The following SIRT5 variants were observed in gnomAD, a reference collection of about 807,000 sequenced individuals.
The protein encoded by SIRT5 is sirtuin 5, also known as NAD-dependent protein deacylase sirtuin-5, mitochondrial.
In SIRT5, 26 loss-of-function variants were observed where a neutral mutation model predicts 40.0. The ratio of observed to expected loss-of-function variants is 0.65; its 90% CI spans 0.48 to 0.90. The LOEUF (loss-of-function observed/expected upper bound fraction) is 0.90. SIRT5 is among the 40% of genes least tolerant of loss of function. The pLI is 0.00. For missense variants in SIRT5, 401 were observed against 402.4 expected (o/e 1.00, Z 0.03); for synonymous variants, 146 against 149.1 (o/e 0.98, Z 0.15).
In SIRT5 at chr6:13,584,220, G is replaced by C. The variant is rs1020775105; in HGVS notation, c.110G>C (p.Ser37Thr). The C allele has an allele frequency of 1.9e-6, 3 of 1,612,992 alleles. No homozygotes were observed. Among genetic ancestry groups the C allele is most frequent in the Non-Finnish European group, 2.5e-6 (3 of 1,178,946 alleles). Reference protein sequence around the residue: ...NQICLKMARPSSSMADFRKFF... With the variant: ...NQICLKMARPTSSMADFRKFF... ...ATTTGCCTGAAAATGGCTCGGCCAA[G>C]TTCAAGTAAGTCATTTTACCCATTG... Residue 37 changes from serine (S) to threonine (T), a missense_variant, in exon 3 of 10, where the codon AGT becomes ACT. By Grantham distance (58) the Ser-to-Thr change is moderately conservative. Transcript: ENST00000606117.
Position 13,591,777 on chromosome 6 carries a change from G to A in SIRT5, c.358G>A (p.Ala120Thr), listed in dbSNP as rs547625145. Residue 120 changes from alanine to threonine, a missense_variant, in exon 5 of 10, where the codon GCC becomes ACC. Transcript: ENST00000606117. ...CAAGGAGCCCAACGCCGGGCACCGC[G>A]CCATAGCCGAGTGTGAGACCCGGCT... The part of the protein sequence containing the change: ...GSKEPNAGHR[A>T]IAECETRLGK... The A allele has an allele frequency of 8.7e-6, 14 of 1,614,086 alleles. No homozygotes were observed. Among genetic ancestry groups the A allele is most frequent in the African/African-American group, 2.7e-5 (2 of 75,066 alleles).
chr6:13,578,824 A>T (rs1341687853), intron 1 of SIRT5, among the ~76,000 whole-genome samples: 18 of 152,056 alleles, frequency 1.2e-4, no homozygotes, highest in Non-Finnish European at 8.8e-5. Flanking sequence ...TTTTAAAAAA[A>T]ATCTGTTAGG....
chr6:13,580,291 ACTTG>A (rs1012733794), intron 2 of SIRT5, among the ~76,000 whole-genome samples: 3 of 152,092 alleles, frequency 2.0e-5, no homozygotes, highest in African/African-American at 7.2e-5. Context: ...AAACGTGTTG[ACTTG>A]CTTGCTTATT....
intron 7 of SIRT5, 47 bp downstream of exon 7, chr6:13,597,063 C>G: frequency 9.2e-7 from 1 of 1,081,090 alleles, no homozygotes; most frequent in Non-Finnish European, 1.3e-6. Context: ...GTTACCAAAA[C>G]AAAAAAAAAA....
At position 13,612,142 on chromosome 6, in the gene SIRT5, A is replaced by G. The variant is rs201163981; in HGVS notation, c.*277A>G. ...GTGTATGGTTGGTTATTGGGAGGGA[A>G]AAATTTTGTAAATTAGATTGTCTAA... is the stretch of plus-strand genomic sequence containing the variant. On this transcript the variant is annotated 3_prime_UTR_variant, in exon 10 of 10. Transcript: ENST00000606117. The G allele has an allele frequency of 4.2e-4, 112 of 263,542 alleles. No homozygotes were observed. The highest frequency in any genetic ancestry group is 6.6e-4 in the Non-Finnish European group (92 of 140,142). The allele number at this position is 263,542 out of a possible 1,614,324, so 16.3% of individuals were successfully genotyped here.
intron 2 of SIRT5, among the ~76,000 whole-genome samples, chr6:13,582,655 A>C (rs1584750262): frequency 2.1e-5 from 3 of 142,530 alleles, no homozygotes; most frequent in Admixed American, 7.1e-5. Flanking sequence ...CTTTTTAATC[A>C]CTCCTCCCCT....
chr6:13,600,714 T>C (rs573784015), intron 8 of SIRT5, 120 bp from the exon 9 acceptor site: 1 of 668,202 alleles, frequency 1.5e-6, no homozygotes, highest in African/African-American at 1.8e-5. Context: ...TCCCATCCTG[T>C]TTGGCTTTTC....
In SIRT5 at chr6:13,611,837, C is replaced by T; in HGVS notation, c.905C>T (p.Ala302Val). The change falls in exon 10 of 10, where the codon GCC becomes GTC. Residue 302 changes from alanine to valine, a missense_variant. By Grantham distance (64) the Ala-to-Val change is moderately conservative. Coordinates refer to ENST00000606117, the MANE Select transcript of SIRT5 (RefSeq NM_012241.5). ...PCGTTLPEAL[A>V]CHENETVS ...GGAACGACTCTTCCTGAAGCCCTTG[C>T]CTGTCATGAAAATGAAACTGTTTCT... 1.2e-6 allele frequency: 2 copies of T among 1,613,932 alleles called. No homozygotes were observed. The highest frequency in any genetic ancestry group is 1.7e-6 in the Non-Finnish European group (2 of 1,179,884).
Position 13,599,015 on chromosome 6 carries a change from G to C in SIRT5, c.618-17G>C. On this transcript the variant is annotated splice_polypyrimidine_tract_variant and intron_variant, in intron 7 of 9. Coordinates refer to ENST00000606117, the MANE Select transcript of SIRT5 (RefSeq NM_012241.5). ...CAGACTTGGCTCGGGGTTGGCTTAA[G>C]GATCCCATTCTTCCAGGTGTGAAGA... 6.2e-7 allele frequency: 1 copy of C among 1,613,190 alleles called. No individual in the cohort carries two copies. Among genetic ancestry groups the C allele is most frequent in the East Asian group, 2.2e-5 (1 of 44,846 alleles).
At chr6:13,599,257 C>T in intron 8 of SIRT5, 102 bp downstream of exon 8, 1 of 1,242,260 alleles carries the variant, frequency 8.0e-7, no homozygotes, top group South Asian at 1.6e-5. Context: ...TTCTTTCCTT[C>T]CCGCCTTCTC....
intron 1 of SIRT5, among the ~76,000 whole-genome samples, chr6:13,575,688 T>G (rs1758536026): frequency 6.6e-6 from 1 of 152,156 alleles, no homozygotes; most frequent in Admixed American, 6.5e-5. Flanking sequence ...AAATCTACTC[T>G]CCTGGAAATA....
At chr6:13,602,187 A>G (rs558899019) in intron 9 of SIRT5, among the ~76,000 whole-genome samples, 1 of 152,358 alleles carries the variant, frequency 6.6e-6, no homozygotes, top group Non-Finnish European at 1.5e-5. Context: ...TATGGGCTCA[A>G]TCAACTCAGT....
chr6:13,594,602 A>T (rs1199393625), intron 5 of SIRT5, among the ~76,000 whole-genome samples: 3 of 152,214 alleles, frequency 2.0e-5, no homozygotes, highest in African/African-American at 7.2e-5. Flanking sequence ...ACGACTGCAG[A>T]GGGATGGACA....
At chr6:13,601,394 T>A (rs928393124) in intron 9 of SIRT5, among the ~76,000 whole-genome samples, 1 of 152,218 alleles carries the variant, frequency 6.6e-6, no homozygotes, top group Admixed American at 6.5e-5. Flanking sequence ...TCTGTGGCCA[T>A]ATTATGACAC....
intron 9 of SIRT5, among the ~76,000 whole-genome samples, chr6:13,604,278 T>C (rs1442712625): frequency 6.6e-6 from 1 of 152,224 alleles, no homozygotes; most frequent in Non-Finnish European, 1.5e-5. Context: ...CTCCGTCTGA[T>C]TTGTGTTGTG....
At chr6:13,591,486 G>T (rs975910763) in intron 4 of SIRT5, among the ~76,000 whole-genome samples, 183 bp from the exon 5 acceptor site, 2 of 152,234 alleles carry the variant, frequency 1.3e-5, no homozygotes, top group African/African-American at 4.8e-5. Flanking sequence ...GGATGGGGAC[G>T]TAGGCTGGTA....
At chr6:13,588,224 T>G (rs1760331328) in intron 3 of SIRT5, 107 bp from the exon 4 acceptor site, 15 of 1,374,966 alleles carry the variant, frequency 1.1e-5, no homozygotes, top group Non-Finnish European at 1.5e-5. Context: ...TTTGTTTATC[T>G]TAAAGTATAA....
At chr6:13,594,086 C>G (rs1761280850) in intron 5 of SIRT5, among the ~76,000 whole-genome samples, 1 of 152,206 alleles carries the variant, frequency 6.6e-6, no homozygotes, top group Non-Finnish European at 1.5e-5. Context: ...CTGTAGACAA[C>G]AGCCAAAACT....
chr6:13,595,403 A>G (rs1411748452), intron 5 of SIRT5, 74 bp from the exon 6 acceptor site: 2 of 1,138,874 alleles, frequency 1.8e-6, no homozygotes, highest in Admixed American at 1.7e-5. Context: ...AAAGTATCTT[A>G]TACCCTTTTA....
Sources: allele counts gnomAD v4.1 joint callset (sites outside exome capture counted in the v4.1 genomes callset), GRCh38; gene constraint gnomAD v4.1.1; transcripts MANE v1.5; gene names NCBI Gene and HGNC (gene_info 2026-07-23, HGNC 2026-07-21).